The following GRIK1 variants were observed in gnomAD, a reference collection of about 807,000 sequenced individuals.
GRIK1 encodes glutamate ionotropic receptor kainate type subunit 1.
Under a neutral mutation model 105.7 loss-of-function variants are expected in GRIK1, and 69 were observed. The observed-to-expected ratio is 0.65, with a 90% CI of 0.54 to 0.80. The LOEUF (loss-of-function observed/expected upper bound fraction) is 0.80, where lower values mean the gene tolerates loss of function less well. Ranked by LOEUF, GRIK1 falls within the 30% of genes least tolerant of loss-of-function variation. GRIK1 has a pLI of 0.00. For missense variants in GRIK1, 1,109 were observed against 1,167.3 expected (o/e 0.95, Z 0.73); for synonymous variants, 438 against 431.3 (o/e 1.02, Z -0.19).
intron 1 of GRIK1, among the ~76,000 whole-genome samples, chr21:29,867,589 G>A (rs1471697700): frequency 2.0e-5 from 3 of 152,026 alleles, no homozygotes; most frequent in East Asian, 1.9e-4. Context: ...GAGGGCGGGA[G>A]TTCAAGACCA....
intron 1 of GRIK1, among the ~76,000 whole-genome samples, chr21:29,733,375 T>C (rs1490616491): frequency 1.3e-5 from 2 of 152,142 alleles, no homozygotes; most frequent in Non-Finnish European, 2.9e-5. Context: ...TATAGCCAAT[T>C]GAGTCTTGCT....
At chr21:29,785,243 C>G (rs933246112) in intron 1 of GRIK1, among the ~76,000 whole-genome samples, 1 of 152,126 alleles carries the variant, frequency 6.6e-6, no homozygotes, top group Non-Finnish European at 1.5e-5. Context: ...TTAAGTTGAA[C>G]TTTGAGGATT....
At chr21:29,880,427 C>G (rs1188952480) in intron 1 of GRIK1, among the ~76,000 whole-genome samples, 1 of 152,118 alleles carries the variant, frequency 6.6e-6, no homozygotes, top group African/African-American at 2.4e-5. Context: ...AATCTTATTA[C>G]ATTCATCCTC....
chr21:29,672,319 A>G (rs181211463), intron 4 of GRIK1, among the ~76,000 whole-genome samples: 8 of 152,266 alleles, frequency 5.3e-5, no homozygotes, highest in Admixed American at 1.3e-4. Flanking sequence ...TGGCTTCCCA[A>G]TGAATTTACT....
At chr21:29,761,403 C>T (rs1490678725) in intron 1 of GRIK1, 2 of 152,144 alleles carry the variant, frequency 1.3e-5, no homozygotes, top group African/African-American at 2.4e-5. Flanking sequence ...CAGCAAAATA[C>T]CCTTGCTCTC....
At chr21:29,933,124 G>GT (rs199998510) in intron 1 of GRIK1, among the ~76,000 whole-genome samples, 54 of 151,122 alleles carry the variant, frequency 3.6e-4, no homozygotes, top group East Asian at 9.7e-4. Context: ...CATACTAAGT[G>GT]TTTTTTTTTA....
At chr21:29,806,099 T>C (rs753722935) in intron 1 of GRIK1, among the ~76,000 whole-genome samples, 4 of 152,212 alleles carry the variant, frequency 2.6e-5, no homozygotes, top group African/African-American at 4.8e-5. Flanking sequence ...TTACATTTAC[T>C]GTATGCATTT....
intron 6 of GRIK1, 117 bp downstream of exon 6, chr21:29,651,001 C>T (rs2062723740): frequency 1.4e-6 from 1 of 700,192 alleles, no homozygotes; most frequent in Non-Finnish European, 2.2e-6. Context: ...TTCTTCTCTA[C>T]TGCAAGTCAA....
At chr21:29,565,163 C>T (rs1002378108) in intron 14 of GRIK1, among the ~76,000 whole-genome samples, 2 of 152,176 alleles carry the variant, frequency 1.3e-5, no homozygotes, top group Non-Finnish European at 2.9e-5. Context: ...ATTCCTTTGA[C>T]CCCTTGCTAT....
intron 1 of GRIK1, among the ~76,000 whole-genome samples, chr21:29,750,923 G>A (rs551333067): frequency 7.9e-5 from 12 of 152,274 alleles, no homozygotes; most frequent in African/African-American, 2.2e-4. Flanking sequence ...GACTGAGTCC[G>A]AAAAGAGTCA....
At chr21:29,747,239 G>A (rs2145627611) in intron 1 of GRIK1, among the ~76,000 whole-genome samples, 1 of 152,348 alleles carries the variant, frequency 6.6e-6, no homozygotes, top group Non-Finnish European at 1.5e-5. Context: ...ACTGATGTCT[G>A]CACAGCCATG....
At chr21:29,717,131 G>T (rs2064197621) in intron 1 of GRIK1, among the ~76,000 whole-genome samples, 1 of 152,230 alleles carries the variant, frequency 6.6e-6, no homozygotes, top group Non-Finnish European at 1.5e-5. Flanking sequence ...GAAGGTTTGG[G>T]AACCTTCACC....
intron 1 of GRIK1, among the ~76,000 whole-genome samples, chr21:29,707,198 G>A (rs1335924287): frequency 6.6e-6 from 1 of 152,074 alleles, no homozygotes; most frequent in Non-Finnish European, 1.5e-5. Context: ...TGTGTCTGAT[G>A]TGTGTGGAGA....
chr21:29,537,246 T>C lies in GRIK1; in HGVS notation c.2834A>G (p.Lys945Arg). Residue 945 changes from lysine to arginine, a missense_variant, in exon 18 of 18, where the codon AAA (lysine) becomes AGA (arginine). Physicochemically the swap from Lys to Arg is conservative, Grantham distance 26. Around this residue, in one of 5 missense-constraint regions of GRIK1, gnomAD observed 161 missense variants for 143.4 expected, o/e 1.12. Coordinates refer to ENST00000327783, the MANE Select transcript of GRIK1 (RefSeq NM_001330994.2). ...LTCHQRRTQR[K>R]ETVA Reference sequence around the variant, plus strand: ...TTCCTTGGATCACGCCACAGTCTCTTTTCTCTGAGTTCGTCTCTGATGACA... The same window carrying C: ...TTCCTTGGATCACGCCACAGTCTCTCTTCTCTGAGTTCGTCTCTGATGACA... 3 of 1,607,170 alleles carry C rather than the reference T, an allele frequency of 1.9e-6. No homozygotes were observed. The highest frequency in any genetic ancestry group is 2.5e-6 in the Non-Finnish European group (3 of 1,177,498).
At chr21:29,911,100 T>C (rs1340328908) in intron 1 of GRIK1, among the ~76,000 whole-genome samples, 1 of 152,116 alleles carries the variant, frequency 6.6e-6, no homozygotes, top group East Asian at 1.9e-4. Flanking sequence ...ACTAACTCAG[T>C]GAATCCTTCT....
rs757997768 is a variant in GRIK1 at position 29,591,195 on chromosome 21, T to A, written c.1282A>T (p.Asn428Tyr). The A allele has an allele frequency of 5.6e-6, 9 of 1,609,606 alleles. No homozygotes were observed. The highest frequency in any genetic ancestry group is 7.7e-6 in the Non-Finnish European group (9 of 1,176,006). The change falls in exon 10 of 18, where the codon AAC (asparagine) becomes TAC (tyrosine). Residue 428 changes from asparagine (N) to tyrosine (Y), a missense_variant. By Grantham distance (143) the Asn-to-Tyr change is moderately radical. Coordinates refer to ENST00000327783, the MANE Select transcript of GRIK1 (RefSeq NM_001330994.2). ...TTGTCTTTGTTGCTGTCCGTCATGT[T>A]AAGCCCACTGTTGGAATTCCAAATC... ...IGIWNSNSGL[N>Y]MTDSNKDKSS...
intron 1 of GRIK1, among the ~76,000 whole-genome samples, chr21:29,790,601 G>A (rs924864889): frequency 1.3e-5 from 2 of 151,844 alleles, no homozygotes; most frequent in African/African-American, 4.8e-5. Flanking sequence ...GGCTACAGGC[G>A]TGCACCACCA....
intron 13 of GRIK1, among the ~76,000 whole-genome samples, chr21:29,578,606 C>T (rs1423394018): frequency 2.0e-5 from 3 of 152,106 alleles, no homozygotes; most frequent in African/African-American, 4.8e-5. Context: ...GGTTTGACAG[C>T]GATTTGTGTT....
intron 1 of GRIK1, among the ~76,000 whole-genome samples, chr21:29,734,412 TTTTCTTTTCTTTTTG>T (rs2064728101): frequency 6.0e-5 from 1 of 16,780 alleles, no homozygotes; most frequent in Non-Finnish European, 3.3e-4. Flanking sequence ...TTTTCTTTTC[TTTTCTTTTCTTTTTG>T]AGACAGAGTC....
Sources: allele counts gnomAD v4.1 joint callset (sites outside exome capture counted in the v4.1 genomes callset), GRCh38; gene constraint gnomAD v4.1.1; regional missense constraint gnomAD v4.1.1; transcripts MANE v1.5; gene names NCBI Gene and HGNC (gene_info 2026-07-23, HGNC 2026-07-21).